Variants in AKR1D1 observed in about 807,000 individuals in gnomAD.
AKR1D1 encodes delta(4)-3-ketosteroid 5-beta-reductase.
Under a neutral mutation model 42.6 loss-of-function variants are expected in AKR1D1, and 32 were observed. The observed-to-expected ratio is 0.75, with a 90% CI of 0.57 to 1.01. The LOEUF (loss-of-function observed/expected upper bound fraction) is 1.01, where lower values mean the gene tolerates loss of function less well. AKR1D1 is among the 50% of genes least tolerant of loss of function. The pLI, the probability that AKR1D1 is intolerant of heterozygous loss-of-function variation, is 0.00. For synonymous variants in AKR1D1, 123 were observed against 135.5 expected, an observed-to-expected ratio of 0.91 and a Z score of 0.64; for missense variants, 364 against 402.2, an observed-to-expected ratio of 0.91 and a Z score of 0.81.
chr7:138,096,670 C>T (rs1420369839), intron 3 of AKR1D1, among the ~76,000 whole-genome samples: 2 of 152,184 alleles, frequency 1.3e-5, no homozygotes, highest in Non-Finnish European at 2.9e-5. Context: ...ATTATTTGAT[C>T]TCTTTCAATA....
intron 7 of AKR1D1, among the ~76,000 whole-genome samples, chr7:138,110,442 A>T (rs28601801): frequency 1.8e-4 from 27 of 152,028 alleles, no homozygotes; most frequent in South Asian, 6.2e-4. Flanking sequence ...CTTTAAAATT[A>T]AAAAAAGTTA....
chr7:138,113,831 A>G (rs1585744182), intron 8 of AKR1D1, 59 bp downstream of exon 8: 3 of 1,502,894 alleles, frequency 2.0e-6, no homozygotes, highest in East Asian at 4.5e-5. Flanking sequence ...TCATGTGTCA[A>G]GCAACAAGGC....
chr7:138,107,910 C>T (rs1311935048), intron 7 of AKR1D1, among the ~76,000 whole-genome samples: 1 of 152,006 alleles, frequency 6.6e-6, no homozygotes, highest in Non-Finnish European at 1.5e-5. Context: ...TCTGGAACTC[C>T]TGTCTTCAAG....
chr7:138,100,088 C>CAAAAAAAAAAAAAAAAAAAAAAAAA lies in AKR1D1; in HGVS notation c.456+2151_456+2175dup, dbSNP rs59361346. Among the ~76,000 whole-genome samples, 21 of 43,568 alleles carry CAAAAAAAAAAAAAAAAAAAAAAAAA rather than the reference C, an allele frequency of 4.8e-4. 3 individuals carry two copies. Among genetic ancestry groups the CAAAAAAAAAAAAAAAAAAAAAAAAA allele is most frequent in the Admixed American group, 1.3e-3 (3 of 2,236 alleles). 28.6% of individuals were successfully genotyped at this position (43,568 alleles called of 152,430 possible). The stretch of plus-strand genomic sequence containing the variant: ...TGGGCAATATAGCGAGATTTCATCT[C>CAAAAAAAAAAAAAAAAAAAAAAAAA]AAAAAAAAAAAAAAAAAAAAAAAAA... On this transcript the variant is annotated intron_variant, in intron 4 of 8. Coordinates refer to ENST00000242375, the MANE Select transcript of AKR1D1 (RefSeq NM_005989.4).
chr7:138,087,635 T>C (rs1193072618), intron 1 of AKR1D1, among the ~76,000 whole-genome samples: 11 of 152,078 alleles, frequency 7.2e-5, no homozygotes, highest in Admixed American at 7.2e-4. Flanking sequence ...ACAATCAAAA[T>C]AATGAACATA....
intron 7 of AKR1D1, among the ~76,000 whole-genome samples, chr7:138,111,167 T>C (rs1300986314): frequency 6.6e-6 from 1 of 152,184 alleles, no homozygotes; most frequent in Admixed American, 6.5e-5. Flanking sequence ...CCCCCTCTCT[T>C]TCCTACACTA....
intron 8 of AKR1D1, among the ~76,000 whole-genome samples, chr7:138,116,251 C>T (rs1295036527): frequency 6.6e-6 from 1 of 152,008 alleles, no homozygotes. Context: ...AGAGAAATGC[C>T]CATGTAGTGG....
chr7:138,094,332 T>C (rs113711298), intron 3 of AKR1D1, among the ~76,000 whole-genome samples: 6,871 of 152,110 alleles, frequency 0.045, 496 homozygotes, highest in African/African-American at 0.16. Context: ...CTGGGCAACA[T>C]GGCAAAACCC....
At chr7:138,089,043 G>C (rs1794008392) in intron 2 of AKR1D1, among the ~76,000 whole-genome samples, 1 of 151,984 alleles carries the variant, frequency 6.6e-6, no homozygotes, top group African/African-American at 2.4e-5. Context: ...TTAGGGGAGA[G>C]AAAGAGGGTT....
chr7:138,076,996 A>C (rs2117405495), intron 1 of AKR1D1, among the ~76,000 whole-genome samples: 1 of 152,308 alleles, frequency 6.6e-6, no homozygotes, highest in Non-Finnish European at 1.5e-5. Context: ...CCATGCACTA[A>C]GCACTAGGCG....
intron 2 of AKR1D1, among the ~76,000 whole-genome samples, chr7:138,089,896 T>C (rs529899893): frequency 6.6e-6 from 1 of 152,298 alleles, no homozygotes; most frequent in Non-Finnish European, 1.5e-5. Context: ...GTTGCCCAGG[T>C]CAGAGGCCCA....
intron 8 of AKR1D1, among the ~76,000 whole-genome samples, chr7:138,114,712 T>C (rs1794602507): frequency 6.7e-6 from 1 of 150,306 alleles, no homozygotes; most frequent in Non-Finnish European, 1.5e-5. Context: ...TGTATAGATA[T>C]ACACACACAT....
At chr7:138,113,814 T>C (rs1424736063) in intron 8 of AKR1D1, 42 bp downstream of exon 8, 2 of 1,539,488 alleles carry the variant, frequency 1.3e-6, no homozygotes, top group Admixed American at 3.3e-5. Flanking sequence ...CCAGTGGTAT[T>C]GAATGGTCAT....
intron 1 of AKR1D1, among the ~76,000 whole-genome samples, chr7:138,082,570 T>A (rs1360401538): frequency 2.6e-5 from 4 of 152,070 alleles, no homozygotes; most frequent in African/African-American, 9.7e-5. Context: ...TTTACTATTT[T>A]ATTGTAAGAC....
intron 1 of AKR1D1, among the ~76,000 whole-genome samples, chr7:138,082,498 G>A (rs1803079114): frequency 6.6e-6 from 1 of 152,016 alleles, no homozygotes; most frequent in Non-Finnish European, 1.5e-5. Flanking sequence ...CTCTCGAGTA[G>A]CCAGGACTAC....
intron 3 of AKR1D1, among the ~76,000 whole-genome samples, chr7:138,093,071 CTTTTT>C (rs200473265): frequency 2.1e-5 from 3 of 140,902 alleles, no homozygotes; most frequent in African/African-American, 7.9e-5. Context: ...ATACTAATTA[CTTTTT>C]TTTTTTTTTT....
rs973431898 is a variant in AKR1D1, at chr7:138,097,926, C to A, written c.439C>A (p.Leu147Met). ...CAAATGGTTATATCACAAGTCAAAT[C>A]TGTGTGCCACTTGGGAGGTAAGTTC... ...NGKWLYHKSNLCATWEAMEAC... is the reference protein window; with the variant it reads ...NGKWLYHKSNMCATWEAMEAC... Residue 147 changes from leucine to methionine, a missense_variant, in exon 4 of 9, where the codon CTG (leucine) becomes ATG (methionine). Transcript: ENST00000242375. 3.7e-6 allele frequency: 6 copies of A among 1,610,014 alleles called. No individual in the cohort carries two copies. The highest frequency in any genetic ancestry group is 5.1e-6 in the Non-Finnish European group (6 of 1,178,174).
chr7:138,103,520 A>G (rs767236081), intron 4 of AKR1D1, among the ~76,000 whole-genome samples: 19 of 152,104 alleles, frequency 1.2e-4, no homozygotes, highest in Non-Finnish European at 2.1e-4. Context: ...CAGTTCAAAT[A>G]TATGTATGGT....
intron 4 of AKR1D1, 170 bp downstream of exon 4, chr7:138,098,113 G>A: frequency 5.0e-6 from 3 of 594,942 alleles, no homozygotes; most frequent in South Asian, 2.2e-5. Context: ...TCCACTTCTG[G>A]GTACTAAATA....
Sources: allele counts gnomAD v4.1 joint callset (sites outside exome capture counted in the v4.1 genomes callset), GRCh38; gene constraint gnomAD v4.1.1; transcripts MANE v1.5; gene names NCBI Gene and HGNC (gene_info 2026-07-23, HGNC 2026-07-21).